Variants in POLD3 observed in about 807,000 individuals in gnomAD.
POLD3 encodes the protein DNA polymerase delta 3, accessory subunit.
In POLD3, 19 loss-of-function variants were observed where a neutral mutation model predicts 58.2. The ratio of observed to expected loss-of-function variants is 0.33; its 90% CI spans 0.23 to 0.48. POLD3 has a LOEUF of 0.48. POLD3 is among the 20% of genes least tolerant of loss of function. The probability of loss-of-function intolerance (pLI) is 0.99; values close to 1 mark genes in which losing one functional copy is unlikely to be tolerated. For synonymous variants in POLD3, 172 were observed against 193.5 expected, an observed-to-expected ratio of 0.89 and a Z score of 0.92; for missense variants, 504 against 545.5, an observed-to-expected ratio of 0.92 and a Z score of 0.76.
At chr11:74,626,425 G>C (rs1002629298) in intron 8 of POLD3, among the ~76,000 whole-genome samples, 6 of 152,130 alleles carry the variant, frequency 3.9e-5, no homozygotes, top group Non-Finnish European at 5.9e-5. Flanking sequence ...TTTGTTCCAA[G>C]TCTGCTAAGA....
intron 5 of POLD3, among the ~76,000 whole-genome samples, chr11:74,616,733 G>T (rs2032091531): frequency 6.6e-6 from 1 of 152,082 alleles, no homozygotes; most frequent in Admixed American, 6.5e-5. Context: ...TCTAGCTTTG[G>T]GGCTGCCCAG....
intron 4 of POLD3, among the ~76,000 whole-genome samples, chr11:74,653,488 T>G (rs903043535): frequency 1.3e-5 from 2 of 152,220 alleles, no homozygotes; most frequent in Non-Finnish European, 2.9e-5. Flanking sequence ...ACAACTTAAC[T>G]GTTTTAAGTT....
rs76824454 is a variant in POLD3 at position 74,598,263 on chromosome 11, G to A, written c.116+4147G>A. On this transcript the variant is annotated intron_variant, in intron 2 of 11. Coordinates refer to ENST00000263681, the MANE Select transcript of POLD3 (RefSeq NM_006591.3). ...ACTTGGAGTTGATTTTTTGTGTATGGTGTAAGGAAAGGGTCCAGCATCATT... is the reference window on the plus strand; with the variant it reads ...ACTTGGAGTTGATTTTTTGTGTATGATGTAAGGAAAGGGTCCAGCATCATT... 9.3e-3 allele frequency among the ~76,000 whole-genome samples: 1,411 copies of A among 152,224 alleles called. 27 individuals carry two copies. The highest frequency in any genetic ancestry group is 0.032 in the African/African-American group (1,333 of 41,528).
At chr11:74,638,470 A>G (rs1303223514) in intron 11 of POLD3, 3 of 350,640 alleles carry the variant, frequency 8.6e-6, no homozygotes, top group African/African-American at 6.4e-5. Context: ...TACAGAATAT[A>G]GCTTATGAAG....
At chr11:74,636,580 T>C (rs183213522) in intron 11 of POLD3, among the ~76,000 whole-genome samples, 2 of 152,226 alleles carry the variant, frequency 1.3e-5, no homozygotes, top group South Asian at 2.1e-4. Context: ...TGTGCAGTTA[T>C]GAAGATTCAG....
rs755416394 is a variant in POLD3, at chr11:74,640,680, G to A, written c.1315G>A (p.Glu439Lys). 2.3e-5 allele frequency: 37 copies of A among 1,612,818 alleles called. No individual in the cohort carries two copies. The South Asian group carries it at 4.1e-4, about 18-fold the overall frequency. The part of the protein sequence containing the change: ...AMTVKKEPRE[E>K]RKGPKKGTAA... ...GACTGTGAAAAAAGAACCCAGAGAG[G>A]AACGAAAGGGCCCCAAGAAAGGGAC... is the stretch of plus-strand genomic sequence containing the variant. Residue 439 changes from glutamate (E) to lysine (K), a missense_variant, in exon 12 of 12, where the codon GAA (glutamate) becomes AAA (lysine). Glu to Lys is a moderately conservative substitution (Grantham distance 56). Transcript: ENST00000263681.
intron 2 of POLD3, among the ~76,000 whole-genome samples, chr11:74,599,925 G>T (rs569947559): frequency 5.7e-4 from 87 of 151,648 alleles, no homozygotes; most frequent in Middle Eastern, 6.8e-3. Flanking sequence ...AGTGTATCTT[G>T]TAAGAAGTCA....
chr11:74,633,829 C>T (rs2032668078), intron 9 of POLD3, among the ~76,000 whole-genome samples: 1 of 152,178 alleles, frequency 6.6e-6, no homozygotes, highest in Admixed American at 6.5e-5. Flanking sequence ...ATCAGTGAAG[C>T]AGTCACTAGA....
intron 6 of POLD3, 53 bp downstream of exon 6, chr11:74,618,857 A>G: frequency 6.9e-7 from 1 of 1,454,178 alleles, no homozygotes; most frequent in Non-Finnish European, 9.4e-7. Context: ...GGGTAACTAG[A>G]AAAGCATTAA....
intron 4 of POLD3, 55 bp from the exon 5 acceptor site, chr11:74,612,823 C>A: frequency 3.3e-6 from 5 of 1,519,854 alleles, no homozygotes; most frequent in Non-Finnish European, 4.5e-6. Context: ...TGTTAAAGTC[C>A]CCACATGCTA....
chr11:74,646,708 C>T (rs2033003124), downstream of POLD3, among the ~76,000 whole-genome samples: 1 of 152,192 alleles, frequency 6.6e-6, no homozygotes, highest in South Asian at 2.1e-4. Flanking sequence ...GGACATTTGG[C>T]ATTTGTGCCC....
At position 74,641,165 on chromosome 11, in the gene POLD3, C is replaced by A. The variant is rs1221636404; in HGVS notation, c.*399C>A. The A allele has an allele frequency of 1.0e-6, 1 of 988,060 alleles. No individual in the cohort carries two copies. Among genetic ancestry groups the A allele is most frequent in the Non-Finnish European group, 1.2e-6 (1 of 831,766 alleles). The allele number at this position is 988,060 out of a possible 1,614,324, so 61.2% of individuals were successfully genotyped here. A position where few individuals can be genotyped will look rare whatever the true frequency, so the allele number is the denominator to read the frequency against. ...CTTGTTCCTCTGTATTCTAAGAATTCATGTGGGTGTTTCTTATCCTTACAT... is the reference window on the plus strand; with the variant it reads ...CTTGTTCCTCTGTATTCTAAGAATTAATGTGGGTGTTTCTTATCCTTACAT... On this transcript the variant is annotated 3_prime_UTR_variant, in exon 12 of 12. Transcript: ENST00000263681.
At chr11:74,606,915 T>C (rs1307716068) in intron 3 of POLD3, among the ~76,000 whole-genome samples, 1 of 152,170 alleles carries the variant, frequency 6.6e-6, no homozygotes, top group African/African-American at 2.4e-5. Flanking sequence ...AAAATCTTAA[T>C]CAGAGTTCTA....
intron 7 of POLD3, among the ~76,000 whole-genome samples, chr11:74,621,101 G>A (rs1318282746): frequency 6.6e-6 from 1 of 152,156 alleles, no homozygotes; most frequent in African/African-American, 2.4e-5. Context: ...TGCAGGCACA[G>A]TTGGTGCACA....
At chr11:74,611,145 A>G (rs1018232799) in intron 3 of POLD3, among the ~76,000 whole-genome samples, 1 of 152,176 alleles carries the variant, frequency 6.6e-6, no homozygotes, top group Non-Finnish European at 1.5e-5. Context: ...AACAGATCCA[A>G]TTTTTATCTG....
At chr11:74,637,434 C>T (rs1565128322) in intron 11 of POLD3, among the ~76,000 whole-genome samples, 4 of 57,808 alleles carry the variant, frequency 6.9e-5, no homozygotes, top group Non-Finnish European at 1.3e-4. Flanking sequence ...TCTTTTTCTT[C>T]CTTTTTTTTT....
At chr11:74,647,757 T>G (rs916619935), downstream of POLD3, among the ~76,000 whole-genome samples, 6 of 152,220 alleles carry the variant, frequency 3.9e-5, no homozygotes, top group Admixed American at 3.3e-4. Context: ...CACAGATTTT[T>G]GACTAAAAGT....
At chr11:74,601,935 G>A (rs1260688946) in intron 2 of POLD3, among the ~76,000 whole-genome samples, 1 of 152,098 alleles carries the variant, frequency 6.6e-6, no homozygotes, top group Non-Finnish European at 1.5e-5. Flanking sequence ...ATATACAAAG[G>A]AATAAAGAGA....
At chr11:74,636,967 C>A (rs542458251) in intron 11 of POLD3, among the ~76,000 whole-genome samples, 3 of 152,270 alleles carry the variant, frequency 2.0e-5, no homozygotes, top group Non-Finnish European at 4.4e-5. Context: ...TTCTGTGGAG[C>A]TTTTAAGATT....
Sources: gnomAD v4.1 joint callset for allele counts (sites outside exome capture counted in the v4.1 genomes callset) on GRCh38, gnomAD v4.1.1 for gene constraint, MANE v1.5 for transcripts, NCBI Gene and HGNC (gene_info 2026-07-23, HGNC 2026-07-21) for gene names.